Variants in MLLT10 observed in about 807,000 individuals in gnomAD.
The protein encoded by MLLT10 is protein AF-10.
A neutral mutation model predicts 129.1 loss-of-function variants in MLLT10; 30 were observed. The ratio of observed to expected loss-of-function variants is 0.23; its 90% confidence interval spans 0.17 to 0.32. The LOEUF is 0.32. Among genes scored for constraint, MLLT10 ranks in the 10% least tolerant of loss-of-function variants. The probability of loss-of-function intolerance (pLI) is 1.00; values close to 1 mark genes in which losing one functional copy is unlikely to be tolerated. For synonymous variants in MLLT10, 490 were observed against 446.4 expected (o/e 1.10, Z -1.23); for missense variants, 1,119 against 1,268.3 (o/e 0.88, Z 1.79).
chr10:21,713,940 C>G lies in MLLT10; in HGVS notation c.1868C>G (p.Ala623Gly), dbSNP rs1466866554. The change falls in exon 14 of 23, where the codon GCT (alanine) becomes GGT (glycine). Residue 623 changes from alanine to glycine, a missense_variant. Coordinates refer to ENST00000307729, the MANE Select transcript of MLLT10 (RefSeq NM_001195626.3). ...SAVSSAAPAV[A>G]TTQANTLSGS... ...GTGTCATCTGCAGCCCCTGCTGTTG[C>G]TACAACTCAGGTAAGTTGTTACACT... 34 of 1,610,748 alleles carry G rather than the reference C, an allele frequency of 2.1e-5. No homozygotes were observed. Among genetic ancestry groups the G allele is most frequent in the Non-Finnish European group, 2.8e-5 (33 of 1,178,500 alleles).
intron 8 of MLLT10, among the ~76,000 whole-genome samples, chr10:21,621,493 T>TGC (rs2045850374): frequency 2.6e-5 from 4 of 151,936 alleles, no homozygotes; most frequent in Non-Finnish European, 5.9e-5. Context: ...GATCCGCCCC[T>TGC]CTCGGCCTCC....
chr10:21,548,941 T>C (rs915083884), intron 3 of MLLT10, among the ~76,000 whole-genome samples: 1 of 152,158 alleles, frequency 6.6e-6, no homozygotes, highest in Non-Finnish European at 1.5e-5. Flanking sequence ...TGTCTTTATA[T>C]ATTGTGTAAT....
chr10:21,598,271 T>A (rs1406216561), intron 5 of MLLT10, among the ~76,000 whole-genome samples: 1 of 152,238 alleles, frequency 6.6e-6, no homozygotes, highest in Non-Finnish European at 1.5e-5. Flanking sequence ...TGTCTCAGGT[T>A]TGCCTGGTGG....
chr10:21,623,128 G>C (rs1280321921), intron 8 of MLLT10, among the ~76,000 whole-genome samples: 3 of 152,296 alleles, frequency 2.0e-5, no homozygotes, highest in Non-Finnish European at 2.9e-5. Flanking sequence ...CACTGATCAG[G>C]AAGCTCTTAG....
At chr10:21,719,011 C>T (rs753367988) in intron 14 of MLLT10, among the ~76,000 whole-genome samples, 44 of 152,332 alleles carry the variant, frequency 2.9e-4, no homozygotes, top group Admixed American at 2.0e-3. Context: ...CGTGAGCCAC[C>T]TCGCCTGGGC....
At chr10:21,593,696 A>AT (rs2042724923) in intron 4 of MLLT10, among the ~76,000 whole-genome samples, 1 of 151,784 alleles carries the variant, frequency 6.6e-6, no homozygotes, top group Non-Finnish European at 1.5e-5. Flanking sequence ...GGAGGCTGAG[A>AT]CTGGTGGATC....
intron 13 of MLLT10, among the ~76,000 whole-genome samples, chr10:21,699,148 T>C (rs926757288): frequency 6.6e-6 from 1 of 152,176 alleles, no homozygotes; most frequent in South Asian, 2.1e-4. Flanking sequence ...GTGCTGGGAT[T>C]ACAGGTGTGA....
chr10:21,659,175 T>C (rs2049916759), intron 9 of MLLT10, among the ~76,000 whole-genome samples: 1 of 152,192 alleles, frequency 6.6e-6, no homozygotes, highest in Admixed American at 6.5e-5. Flanking sequence ...TTTAATCTTT[T>C]GAAGAGCAGA....
Position 21,726,291 on chromosome 10 carries a change from G to A in MLLT10, c.1926G>A (p.Met642Ile), listed in dbSNP as rs1489183274. ...CTCTCAGTCAGGCACCATCTCATAT[G>A]TATGGCAATAGATCAAATTCATCAA... ...GSSLSQAPSH[M>I]YGNRSNSSMA... is the part of the protein sequence containing the mutation. Residue 642 changes from methionine to isoleucine, a missense_variant, in exon 15 of 23, where the codon ATG becomes ATA. Met to Ile is a conservative substitution (Grantham distance 10, BLOSUM62 1). This residue lies in a region of MLLT10 where 1,004 missense variants were observed against 1,008.7 expected (regional missense o/e 1.00). Transcript: ENST00000307729. The A allele has an allele frequency of 1.9e-6, 3 of 1,613,320 alleles. No individual in the cohort carries two copies. The highest frequency in any genetic ancestry group is 1.3e-5 in the African/African-American group (1 of 74,994).
chr10:21,648,027 T>C (rs1031685875), intron 8 of MLLT10, among the ~76,000 whole-genome samples: 3 of 152,208 alleles, frequency 2.0e-5, no homozygotes, highest in Non-Finnish European at 4.4e-5. Flanking sequence ...TTGTCTAAGA[T>C]ATTTTCCCCT....
chr10:21,651,710 A>G lies in MLLT10; in HGVS notation c.737A>G (p.Lys246Arg). ...KEKDKHKQKH[K>R]KQPEPSPALV... is the part of the protein sequence containing the mutation. ...AAGGACAAACACAAACAGAAACACA[A>G]GAAGCAGCCAGAACCATCACCTGCA... is the stretch of plus-strand genomic sequence containing the variant. The change falls in exon 9 of 23, where the codon AAG (lysine) becomes AGG (arginine). Residue 246 changes from lysine to arginine, a missense_variant. This residue lies in a region of MLLT10 where 1,004 missense variants were observed against 1,008.7 expected (regional missense o/e 1.00). Coordinates refer to ENST00000307729, the MANE Select transcript of MLLT10 (RefSeq NM_001195626.3). 6.2e-7 allele frequency: 1 copy of G among 1,613,520 alleles called. No individual in the cohort carries two copies. The highest frequency in any genetic ancestry group is 8.5e-7 in the Non-Finnish European group (1 of 1,179,688).
At chr10:21,563,189 T>C (rs1325261361) in intron 3 of MLLT10, among the ~76,000 whole-genome samples, 3 of 152,164 alleles carry the variant, frequency 2.0e-5, no homozygotes, top group African/African-American at 7.2e-5. Flanking sequence ...TTGGTAATTT[T>C]GTTACCTCAA....
At chr10:21,697,324 G>A (rs923906031) in intron 13 of MLLT10, among the ~76,000 whole-genome samples, 2 of 152,026 alleles carry the variant, frequency 1.3e-5, no homozygotes, top group African/African-American at 4.8e-5. Flanking sequence ...AAATTAGCCA[G>A]GCATGGTGGA....
rs563595850 is a variant in MLLT10 at position 21,537,814 on chromosome 10, A to G, written c.161-1019A>G. Among the ~76,000 whole-genome samples, 4 of 152,268 alleles carry G rather than the reference A, an allele frequency of 2.6e-5. No individual in the cohort carries two copies. In the South Asian group the frequency reaches 8.3e-4, roughly 32 times the overall value. ...GCTTTCCAATATTTAAGATATTTTCATATTTCTGCCTAGCAAGCTCATGCA... is the reference window on the plus strand; with the variant it reads ...GCTTTCCAATATTTAAGATATTTTCGTATTTCTGCCTAGCAAGCTCATGCA... On this transcript the variant is annotated intron_variant, in intron 2 of 22. Coordinates refer to ENST00000307729, the MANE Select transcript of MLLT10 (RefSeq NM_001195626.3).
intron 22 of MLLT10, among the ~76,000 whole-genome samples, chr10:21,741,433 GCT>G (rs1478179782): frequency 6.6e-6 from 1 of 152,218 alleles, no homozygotes; most frequent in African/African-American, 2.4e-5. Flanking sequence ...GCTGGGAGGT[GCT>G]GTTTGCTTAG....
intron 13 of MLLT10, among the ~76,000 whole-genome samples, chr10:21,684,731 T>C (rs1403907982): frequency 3.9e-5 from 6 of 152,216 alleles, no homozygotes; most frequent in Non-Finnish European, 7.3e-5. Flanking sequence ...CTGGGACTTA[T>C]GGGATAACAT....
intron 14 of MLLT10, among the ~76,000 whole-genome samples, chr10:21,721,333 C>G (rs1396313975): frequency 6.6e-6 from 1 of 152,126 alleles, no homozygotes; most frequent in Non-Finnish European, 1.5e-5. Context: ...CGGTATTAGT[C>G]TTTCGAACCT....
chr10:21,636,831 T>G (rs2047509399), intron 8 of MLLT10, among the ~76,000 whole-genome samples: 1 of 152,102 alleles, frequency 6.6e-6, no homozygotes, highest in African/African-American at 2.4e-5. Context: ...AGCTTGTGAG[T>G]ACTTAACTAA....
intron 13 of MLLT10, among the ~76,000 whole-genome samples, chr10:21,705,138 G>A (rs2055371838): frequency 6.6e-6 from 1 of 152,338 alleles, no homozygotes; most frequent in East Asian, 1.9e-4. Context: ...TGCGAAGACG[G>A]TGGCAGTGGT....
Sources: gnomAD v4.1 joint callset for allele counts (sites outside exome capture counted in the v4.1 genomes callset) on GRCh38, gnomAD v4.1.1 for gene constraint, gnomAD v4.1.1 regional missense constraint, MANE v1.5 for transcripts, NCBI Gene and HGNC (gene_info 2026-07-23, HGNC 2026-07-21) for gene names.